Variants in DAB1 observed in about 807,000 individuals in gnomAD.
DAB1 encodes disabled homolog 1.
A neutral mutation model predicts 64.6 loss-of-function variants in DAB1; 15 were observed. The ratio of observed to expected loss-of-function variants is 0.23; its 90% CI spans 0.16 to 0.36. The LOEUF is 0.36. Among genes scored for constraint, DAB1 ranks in the 10% least tolerant of loss-of-function variants. The pLI is 1.00. For synonymous variants in DAB1, 235 were observed against 251.9 expected (o/e 0.93, Z 0.64); for missense variants, 596 against 706.7 (o/e 0.84, Z 1.78).
At chr1:57,689,191 C>T (rs924715706) in intron 6 of DAB1, among the ~76,000 whole-genome samples, 6 of 152,108 alleles carry the variant, frequency 3.9e-5, no homozygotes, top group Admixed American at 2.6e-4. Context: ...GAAAGTTTAC[C>T]TAGCTTTCTT....
intron 9 of DAB1, among the ~76,000 whole-genome samples, chr1:57,034,866 C>T (rs146230292): frequency 3.2e-4 from 48 of 152,252 alleles, no homozygotes; most frequent in African/African-American, 1.1e-3. Context: ...TTGCTTTCAC[C>T]CTGTCTATAG....
intron 7 of DAB1, among the ~76,000 whole-genome samples, chr1:57,507,066 C>G (rs905826433): frequency 6.6e-6 from 1 of 152,210 alleles, no homozygotes; most frequent in African/African-American, 2.4e-5. Context: ...AAGTACAGCT[C>G]TAATCATGTA....
chr1:58,170,157 A>C (rs1223979251), intron 4 of DAB1, among the ~76,000 whole-genome samples: 9 of 152,218 alleles, frequency 5.9e-5, no homozygotes, highest in Non-Finnish European at 1.2e-4. Context: ...CTGGTCAGCA[A>C]GCCATCCCCA....
intron 7 of DAB1, among the ~76,000 whole-genome samples, chr1:57,523,150 T>G (rs1249255663): frequency 6.6e-6 from 1 of 152,108 alleles, no homozygotes; most frequent in Non-Finnish European, 1.5e-5. Flanking sequence ...ATTAGTCCTG[T>G]CCCTCTAGAG....
At chr1:57,170,442 G>A (rs896367697) in intron 2 of DAB1, among the ~76,000 whole-genome samples, 2 of 152,166 alleles carry the variant, frequency 1.3e-5, no homozygotes, top group Admixed American at 6.5e-5. Flanking sequence ...AAGAGATGGA[G>A]GGAGAGAAAA....
chr1:57,132,952 A>G (rs1457782605), intron 4 of DAB1, among the ~76,000 whole-genome samples: 2 of 152,280 alleles, frequency 1.3e-5, no homozygotes, highest in East Asian at 3.9e-4. Context: ...ATTATTAGTA[A>G]CACCTCACTA....
At chr1:57,606,392 ACACAT>A (rs1558534842) in intron 7 of DAB1, among the ~76,000 whole-genome samples, 1 of 132,544 alleles carries the variant, frequency 7.5e-6, no homozygotes, top group Non-Finnish European at 1.6e-5. Context: ...ATATATATAT[ACACAT>A]TATATTATAT....
At chr1:57,500,474 A>G (rs1644277883) in intron 7 of DAB1, among the ~76,000 whole-genome samples, 1 of 152,244 alleles carries the variant, frequency 6.6e-6, no homozygotes, top group African/African-American at 2.4e-5. Flanking sequence ...TGAAGAATTC[A>G]ATTACAGGAA....
intron 2 of DAB1, among the ~76,000 whole-genome samples, chr1:57,193,914 T>C (rs1049877700): frequency 3.9e-5 from 6 of 152,224 alleles, no homozygotes; most frequent in African/African-American, 1.4e-4. Context: ...TGTCTATACC[T>C]CCATTTCCTT....
chr1:58,543,462 C>G (rs1322484349), intron 1 of DAB1, among the ~76,000 whole-genome samples: 2 of 152,154 alleles, frequency 1.3e-5, no homozygotes, highest in Non-Finnish European at 2.9e-5. Flanking sequence ...TCCTTCTTAT[C>G]TCATTCTAGC....
At chr1:58,120,188 G>A (rs1252898921) in intron 5 of DAB1, among the ~76,000 whole-genome samples, 1 of 152,086 alleles carries the variant, frequency 6.6e-6, no homozygotes, top group Admixed American at 6.6e-5. Flanking sequence ...TCTGAGTCAC[G>A]ATTTCCTCAC....
intron 6 of DAB1, among the ~76,000 whole-genome samples, chr1:57,752,550 A>T (rs1368972876): frequency 1.3e-5 from 2 of 152,230 alleles, no homozygotes; most frequent in African/African-American, 4.8e-5. Flanking sequence ...TAGCTGGGCT[A>T]GAGGTCTTCT....
chr1:57,162,944 G>C (rs1660894982), intron 2 of DAB1, among the ~76,000 whole-genome samples: 1 of 152,230 alleles, frequency 6.6e-6, no homozygotes, highest in Non-Finnish European at 1.5e-5. Flanking sequence ...TGCTGGAAGA[G>C]ACAGTGACTA....
rs939832493 is a variant in DAB1 at position 58,057,203 on chromosome 1, A to AT, written n.387+93307dup. Among the ~76,000 whole-genome samples the AT allele has an allele frequency of 1.2e-3, 179 of 152,008 alleles. 2 individuals are homozygous for AT. Among genetic ancestry groups the AT allele is most frequent in the African/African-American group, 4.0e-3 (167 of 41,480 alleles). ...ATATTGTAAGTGCTCAAGAATGTTT[A>AT]TTTTTTTTAATTATGAATCCCTGCA... On this transcript the variant is annotated intron_variant and non_coding_transcript_variant, in intron 5 of 20. Coordinates refer to the DAB1 transcript ENST00000485760.
chr1:57,159,658 C>T (rs762883088), intron 2 of DAB1, among the ~76,000 whole-genome samples: 2 of 152,032 alleles, frequency 1.3e-5, no homozygotes, highest in Non-Finnish European at 2.9e-5. Flanking sequence ...CCTGCCACCC[C>T]CAACACACAT....
chr1:58,431,205 C>T (rs1033077092), intron 3 of DAB1, among the ~76,000 whole-genome samples: 4 of 151,850 alleles, frequency 2.6e-5, no homozygotes, highest in Non-Finnish European at 4.4e-5. Flanking sequence ...AATCATGCTC[C>T]TAAAAAAAGA....
At chr1:57,509,561 C>A (rs1644384767) in intron 7 of DAB1, among the ~76,000 whole-genome samples, 1 of 152,134 alleles carries the variant, frequency 6.6e-6, no homozygotes, top group African/African-American at 2.4e-5. Context: ...CTCCCTCACC[C>A]TATTAGCTGA....
At chr1:57,452,756 C>T (rs1214336307) in intron 7 of DAB1, among the ~76,000 whole-genome samples, 1 of 152,042 alleles carries the variant, frequency 6.6e-6, no homozygotes, top group Non-Finnish European at 1.5e-5. Context: ...ATTACAATAG[C>T]ATCTTGCAAA....
chr1:57,014,980 T>A lies in DAB1; in HGVS notation c.1347A>T (p.Lys449Asn). The change falls in exon 12 of 15, where the codon AAA becomes AAT. Residue 449 changes from lysine (K) to asparagine (N), a missense_variant. Lys to Asn is a moderately conservative substitution (Grantham distance 94). This residue lies in a region of DAB1 where 377 missense variants were observed against 400.4 expected (regional missense o/e 0.94). Transcript: ENST00000371236. ...TSEAFSSYFN[K>N]VGVAQDTDDC... ...CGTCTGTATCCTGTGCCACCCCGAC[T>A]TTGTTGAAGTAACTGGAGAAGGCCT... is the stretch of plus-strand genomic sequence containing the variant. The A allele has an allele frequency of 1.2e-6, 2 of 1,614,096 alleles. No individual in the cohort carries two copies. Among genetic ancestry groups the A allele is most frequent in the South Asian group, 2.2e-5 (2 of 91,054 alleles).
Sources: allele counts gnomAD v4.1 joint callset (sites outside exome capture counted in the v4.1 genomes callset), GRCh38; gene constraint gnomAD v4.1.1; regional missense constraint gnomAD v4.1.1; transcripts MANE v1.5; gene names NCBI Gene and HGNC (gene_info 2026-07-23, HGNC 2026-07-21).